Variants in LUZP2 observed in about 807,000 individuals in gnomAD.
The protein encoded by LUZP2 is leucine zipper protein 2.
LUZP2 carries 52 observed loss-of-function variants against 51.6 expected under a neutral mutation model. The observed-to-expected ratio is 1.01, with a 90% CI of 0.81 to 1.27. The LOEUF is 1.27. LUZP2 is among the 50% of genes most tolerant of loss of function. The pLI is 0.00. For missense variants in LUZP2, 436 were observed against 395.4 expected (o/e 1.10, Z -0.87); for synonymous variants, 154 against 137.3 (o/e 1.12, Z -0.85).
intron 1 of LUZP2, among the ~76,000 whole-genome samples, chr11:24,724,574 A>AAATC (rs1258150336): frequency 1.3e-5 from 2 of 152,170 alleles, no homozygotes; most frequent in African/African-American, 4.8e-5. Flanking sequence ...CTGTCTCAAA[A>AAATC]AATCAATCAA....
chr11:24,517,199 G>A (rs1269658279), intron 1 of LUZP2, among the ~76,000 whole-genome samples: 1 of 151,834 alleles, frequency 6.6e-6, no homozygotes, highest in Non-Finnish European at 1.5e-5. Context: ...AATATTGTAG[G>A]TACAGGCCGG....
intron 1 of LUZP2, among the ~76,000 whole-genome samples, chr11:24,498,584 G>A (rs1849899930): frequency 6.6e-6 from 1 of 152,152 alleles, no homozygotes; most frequent in African/African-American, 2.4e-5. Context: ...TGTAAGGTTT[G>A]CTTGTCACTT....
intron 5 of LUZP2, among the ~76,000 whole-genome samples, chr11:24,868,510 C>A (rs938646954): frequency 6.6e-6 from 1 of 152,106 alleles, no homozygotes; most frequent in Non-Finnish European, 1.5e-5. Context: ...AATAAACTTG[C>A]TTGCTTTTCT....
chr11:25,043,717 C>T (rs1858152590), intron 9 of LUZP2, among the ~76,000 whole-genome samples: 1 of 147,776 alleles, frequency 6.8e-6, no homozygotes. Context: ...ACAATATATA[C>T]ATATATAATA....
At chr11:24,726,035 C>A (rs1329074850) in intron 1 of LUZP2, among the ~76,000 whole-genome samples, 2 of 152,032 alleles carry the variant, frequency 1.3e-5, no homozygotes, top group East Asian at 1.9e-4. Context: ...TTTCTAGCCT[C>A]CAGAATTGTG....
intron 1 of LUZP2, among the ~76,000 whole-genome samples, chr11:24,542,225 A>G (rs1851390164): frequency 1.3e-5 from 2 of 152,074 alleles, no homozygotes; most frequent in Non-Finnish European, 2.9e-5. Flanking sequence ...CAGTATTACT[A>G]TCCTCACCCC....
At position 24,816,005 on chromosome 11, in the gene LUZP2, TTAA is replaced by T. The variant is rs762241315; in HGVS notation, c.396+52698_396+52700del. On this transcript the variant is annotated intron_variant, in intron 5 of 11. Coordinates refer to ENST00000336930, the MANE Select transcript of LUZP2 (RefSeq NM_001009909.4). ...TTTCATCTCTTATCTTCTTTTTTTT[TTAA>T]AAAAAAAAAAAAAAGACTTTTATCA... Among the ~76,000 whole-genome samples the T allele has an allele frequency of 3.8e-3, 296 of 78,930 alleles. 1 individual carries two copies. The highest frequency in any genetic ancestry group is 0.015 in the African/African-American group (230 of 15,144). 51.8% of individuals were successfully genotyped at this position (78,930 alleles called of 152,430 possible).
chr11:24,914,065 T>C (rs958826379), intron 6 of LUZP2, among the ~76,000 whole-genome samples: 2 of 152,154 alleles, frequency 1.3e-5, no homozygotes, highest in Admixed American at 1.3e-4. Flanking sequence ...CCTGGACATA[T>C]GTCAAATTCA....
chr11:24,869,406 G>T (rs1396764281), intron 5 of LUZP2, among the ~76,000 whole-genome samples: 1 of 152,012 alleles, frequency 6.6e-6, no homozygotes, highest in African/African-American at 2.4e-5. Context: ...TTATATCCCT[G>T]TGTCACATTC....
At chr11:24,884,595 A>G (rs1432048494) in intron 5 of LUZP2, among the ~76,000 whole-genome samples, 1 of 151,992 alleles carries the variant, frequency 6.6e-6, no homozygotes, top group Non-Finnish European at 1.5e-5. Context: ...GCACCTTTTG[A>G]GTTTAATCTC....
intron 1 of LUZP2, among the ~76,000 whole-genome samples, chr11:24,552,957 A>G: frequency 6.6e-6 from 1 of 151,274 alleles, no homozygotes; most frequent in East Asian, 1.9e-4. Context: ...AAATATTTTA[A>G]ATTATATATA....
At chr11:24,935,356 G>C (rs1854559443) in intron 7 of LUZP2, among the ~76,000 whole-genome samples, 1 of 152,054 alleles carries the variant, frequency 6.6e-6, no homozygotes, top group South Asian at 2.1e-4. Flanking sequence ...CTGGGCTACT[G>C]GTATTTCAGT....
Position 24,824,366 on chromosome 11 carries a change from CAAAAAAAAAA to C in LUZP2, c.396+61076_396+61085del, listed in dbSNP as rs3078050. On this transcript the variant is annotated intron_variant, in intron 5 of 11. Coordinates refer to ENST00000336930, the MANE Select transcript of LUZP2 (RefSeq NM_001009909.4). ...GAGCAAGAAGAGCAAAACCCCATCT[CAAAAAAAAAA>C]AAAAAAAAAAAAAAAAATGAGTGGT... Among the ~76,000 whole-genome samples the C allele has an allele frequency of 1.3e-3, 35 of 27,580 alleles. 1 individual carries two copies. Among genetic ancestry groups the C allele is most frequent in the African/African-American group, 1.5e-3 (14 of 9,258 alleles). 18.1% of individuals were successfully genotyped at this position (27,580 alleles called of 152,430 possible).
intron 7 of LUZP2, among the ~76,000 whole-genome samples, chr11:24,926,269 A>G (rs57339880): frequency 0.099 from 5,189 of 52,354 alleles, 270 homozygotes; most frequent in East Asian, 0.29. Flanking sequence ...GTGTATATAT[A>G]TACGTGTATA....
intron 4 of LUZP2, among the ~76,000 whole-genome samples, chr11:24,754,973 C>T (rs1859718970): frequency 6.6e-6 from 1 of 152,034 alleles, no homozygotes; most frequent in African/African-American, 2.4e-5. Context: ...TGGTGAAACC[C>T]CGTCTCTACT....
intron 1 of LUZP2, among the ~76,000 whole-genome samples, chr11:24,668,618 C>T (rs1388553946): frequency 1.3e-5 from 2 of 152,132 alleles, no homozygotes; most frequent in African/African-American, 4.8e-5. Flanking sequence ...TCCAAATGAT[C>T]AGCTTTCCAC....
chr11:24,808,954 A>G (rs1849936692), intron 5 of LUZP2, among the ~76,000 whole-genome samples: 1 of 152,196 alleles, frequency 6.6e-6, no homozygotes, highest in Admixed American at 6.5e-5. Flanking sequence ...TTAGAGTTAA[A>G]CATTTAAATA....
chr11:24,947,623 A>C (rs1173792081), intron 7 of LUZP2, among the ~76,000 whole-genome samples: 5 of 151,920 alleles, frequency 3.3e-5, no homozygotes, highest in Non-Finnish European at 7.4e-5. Flanking sequence ...TTCTTGTGAA[A>C]TACTAAAATA....
intron 4 of LUZP2, among the ~76,000 whole-genome samples, chr11:24,738,937 C>T (rs1859036630): frequency 6.6e-6 from 1 of 152,080 alleles, no homozygotes; most frequent in Non-Finnish European, 1.5e-5. Context: ...TTCCCCAAAG[C>T]CACCTTACGC....
Sources: allele counts gnomAD v4.1 joint callset (sites outside exome capture counted in the v4.1 genomes callset), GRCh38; gene constraint gnomAD v4.1.1; transcripts MANE v1.5; gene names NCBI Gene and HGNC (gene_info 2026-07-23, HGNC 2026-07-21).